The following TRERF1 variants were observed in gnomAD, a reference collection of about 807,000 sequenced individuals.
TRERF1 encodes the protein transcriptional regulating factor 1, also known as transcriptional-regulating factor 1.
Under a neutral mutation model 122.9 loss-of-function variants are expected in TRERF1, and 27 were observed. The ratio of observed to expected loss-of-function variants is 0.22; its 90% CI spans 0.16 to 0.30. The LOEUF (loss-of-function observed/expected upper bound fraction) is 0.30, where lower values mean the gene tolerates loss of function less well. Ranked by LOEUF, TRERF1 falls within the 10% of genes least tolerant of loss-of-function variation. The probability of loss-of-function intolerance (pLI) is 1.00; values close to 1 mark genes in which losing one functional copy is unlikely to be tolerated. For missense variants in TRERF1, 1,248 were observed against 1,560.3 expected, an observed-to-expected ratio of 0.80 and a Z score of 3.37; for synonymous variants, 636 against 641.7, an observed-to-expected ratio of 0.99 and a Z score of 0.13.
chr6:42,280,169 T>C (rs1782047548), intron 4 of TRERF1, among the ~76,000 whole-genome samples: 1 of 152,030 alleles, frequency 6.6e-6, no homozygotes. Context: ...TTTTCGCTTT[T>C]AAGATAAGGG....
chr6:42,288,574 C>CAAAAAAAAAAAA (rs3074797), intron 4 of TRERF1, among the ~76,000 whole-genome samples: 6 of 86,546 alleles, frequency 6.9e-5, no homozygotes, highest in African/African-American at 2.9e-4. Context: ...ATCTCAAAAC[C>CAAAAAAAAAAAA]AAAAAAAAAA....
At chr6:42,364,743 C>T (rs1484732250) in intron 2 of TRERF1, among the ~76,000 whole-genome samples, 1 of 152,212 alleles carries the variant, frequency 6.6e-6, no homozygotes, top group African/African-American at 2.4e-5. Context: ...GGCATAAGCC[C>T]CCACCAGTGG....
chr6:42,308,351 G>A (rs1299299843), intron 3 of TRERF1, among the ~76,000 whole-genome samples: 2 of 152,232 alleles, frequency 1.3e-5, no homozygotes, highest in Non-Finnish European at 2.9e-5. Flanking sequence ...GGTGTTAAGT[G>A]AAAGACGTCA....
At chr6:42,252,237 C>T (rs1206429972) in intron 13 of TRERF1, among the ~76,000 whole-genome samples, 1 of 152,264 alleles carries the variant, frequency 6.6e-6, no homozygotes, top group Non-Finnish European at 1.5e-5. Context: ...GCACATCTCT[C>T]CTGGGTCCCA....
At position 42,228,996 on chromosome 6, in the gene TRERF1, T is replaced by G. The variant is rs1310098506; in HGVS notation, c.3279-327A>C. Among the ~76,000 whole-genome samples, 4 of 152,228 alleles carry G rather than the reference T, an allele frequency of 2.6e-5. No homozygotes were observed. The highest frequency in any genetic ancestry group is 9.6e-5 in the African/African-American group (4 of 41,464). Reference sequence around the variant, plus strand: ...TCAGCCTCCCCCTTCTCCTCATCACTGACCATGCCCTCTCCACTGGAGAAT... The same window carrying G: ...TCAGCCTCCCCCTTCTCCTCATCACGGACCATGCCCTCTCCACTGGAGAAT... On this transcript the variant is annotated intron_variant, in intron 17 of 17. Coordinates refer to ENST00000372922, the Ensembl canonical transcript of TRERF1. This position sits in a 1 kb window ranked among gnomAD's most constrained non-coding sequence, Gnocchi z 4.2.
intron 2 of TRERF1, among the ~76,000 whole-genome samples, chr6:42,368,953 C>CT (rs1773269434): frequency 6.6e-6 from 1 of 152,034 alleles, no homozygotes; most frequent in Non-Finnish European, 1.5e-5. Context: ...CTAAAATGAG[C>CT]AATTAAGATG....
At chr6:42,429,809 C>T (rs1331861492) in intron 2 of TRERF1, among the ~76,000 whole-genome samples, 3 of 151,964 alleles carry the variant, frequency 2.0e-5, no homozygotes, top group African/African-American at 4.8e-5. Flanking sequence ...CTACAGAGGA[C>T]GGGAACAGGC....
chr6:42,297,112 C>A (rs1785239043), intron 4 of TRERF1, among the ~76,000 whole-genome samples: 1 of 152,132 alleles, frequency 6.6e-6, no homozygotes, highest in Non-Finnish European at 1.5e-5. Context: ...ACCTGCTAGG[C>A]CTATGGCTAC....
chr6:42,412,493 T>C (rs1435857626), intron 2 of TRERF1, among the ~76,000 whole-genome samples: 1 of 152,062 alleles, frequency 6.6e-6, no homozygotes, highest in Non-Finnish European at 1.5e-5. Context: ...AACCAGGAGT[T>C]TGGTGTGCAT....
At chr6:42,339,286 G>T (rs142637888) in intron 3 of TRERF1, among the ~76,000 whole-genome samples, 62 of 152,176 alleles carry the variant, frequency 4.1e-4, no homozygotes, top group Non-Finnish European at 6.5e-4. Flanking sequence ...TGTCCTCCAC[G>T]TCTCTCCTTC....
At chr6:42,290,686 A>G (rs1378850259) in intron 4 of TRERF1, among the ~76,000 whole-genome samples, 3 of 151,118 alleles carry the variant, frequency 2.0e-5, no homozygotes, top group Admixed American at 6.6e-5. Context: ...GAGAAGAAGG[A>G]AAAAAAAAGC....
At position 42,368,396 on chromosome 6, in the gene TRERF1, C is replaced by G. The variant is rs1045869002; in HGVS notation, c.-453-5317G>C. On this transcript the variant is annotated intron_variant, in intron 2 of 17. Transcript: ENST00000372922. ...CCTCCCGCAGTGGTTTCCTCGCCCC[C>G]CCAAGTTAGGTTCCTTTTTAAAAAA... Among the ~76,000 whole-genome samples, 9 of 152,184 alleles carry G rather than the reference C, an allele frequency of 5.9e-5. No individual in the cohort carries two copies. The East Asian group carries it at 7.7e-4, about 13-fold the overall frequency.
At chr6:42,272,629 A>G (rs943389064) in intron 4 of TRERF1, among the ~76,000 whole-genome samples, 2 of 152,238 alleles carry the variant, frequency 1.3e-5, no homozygotes, top group African/African-American at 2.4e-5. Flanking sequence ...TGCTGCATCC[A>G]GGTGAGGCAT....
At chr6:42,402,297 C>G (rs1779500479) in intron 2 of TRERF1, among the ~76,000 whole-genome samples, 1 of 152,226 alleles carries the variant, frequency 6.6e-6, no homozygotes, top group Non-Finnish European at 1.5e-5. Flanking sequence ...TGGCATGCAT[C>G]TGCCGGGCAT....
At chr6:42,288,994 T>TGTGTGTGTGTGTGA (rs772469518) in intron 4 of TRERF1, among the ~76,000 whole-genome samples, 9 of 141,726 alleles carry the variant, frequency 6.4e-5, no homozygotes, top group Admixed American at 1.4e-4. Context: ...TGTGTGTGTG[T>TGTGTGTGTGTGTGA]CAAAGCACAT....
chr6:42,236,291 C>G (rs200766516), exon 16 of TRERF1: 1 of 1,611,396 alleles, frequency 6.2e-7, no homozygotes, highest in Non-Finnish European at 8.5e-7. Context: ...GGAGCCAGGA[C>G]GGGGACGGGT....
intron 2 of TRERF1, among the ~76,000 whole-genome samples, chr6:42,382,932 G>A (rs73430842): frequency 2.6e-4 from 40 of 152,182 alleles, no homozygotes; most frequent in Non-Finnish European, 4.7e-4. Flanking sequence ...GGGCTTGGGG[G>A]GTGGGGTGGG....
At chr6:42,343,427 TAAGATGGTTTCC>T (rs1165838537) in intron 3 of TRERF1, among the ~76,000 whole-genome samples, 2 of 152,204 alleles carry the variant, frequency 1.3e-5, no homozygotes, top group African/African-American at 2.4e-5. Context: ...CCACCATTTA[TAAGATGGTTTCC>T]ACGGTGACAT....
rs188684788 is a variant in TRERF1 at position 42,279,848 on chromosome 6, A to G, written c.-258-10000T>C. On this transcript the variant is annotated intron_variant, in intron 4 of 17. Transcript: ENST00000372922. Reference sequence around the variant, plus strand: ...GACATCAAGCTGTATAAAAAACCAAAGGGTCACCCAGGGCCCCAGAGAAGA... The same window carrying G: ...GACATCAAGCTGTATAAAAAACCAAGGGGTCACCCAGGGCCCCAGAGAAGA... Among the ~76,000 whole-genome samples the G allele has an allele frequency of 7.9e-5, 12 of 152,220 alleles. No individual in the cohort carries two copies. In the East Asian group the frequency reaches 2.3e-3, roughly 29 times the overall value.
Sources: gnomAD v4.1 joint callset for allele counts (sites outside exome capture counted in the v4.1 genomes callset) on GRCh38, gnomAD v4.1.1 for gene constraint, Gnocchi (gnomAD v3.1) non-coding constraint, MANE v1.5 for transcripts, NCBI Gene and HGNC (gene_info 2026-07-23, HGNC 2026-07-21) for gene names.